ZNF704: variants seen among roughly 807,000 people sequenced by gnomAD.
ZNF704 encodes glucocorticoid induced gene 1.
In ZNF704, 10 loss-of-function variants were observed where a neutral mutation model predicts 44.7. The ratio of observed to expected loss-of-function variants is 0.22; its 90% CI spans 0.14 to 0.38. ZNF704 has a LOEUF of 0.38. ZNF704 is among the 10% of genes least tolerant of loss of function. The pLI is 1.00. For missense variants in ZNF704, 390 were observed against 545.5 expected (o/e 0.71, Z 2.84); for synonymous variants, 211 against 207.6 (o/e 1.02, Z -0.14).
At chr8:80,814,987 G>A (rs997178462) in intron 2 of ZNF704, among the ~76,000 whole-genome samples, 2 of 152,064 alleles carry the variant, frequency 1.3e-5, no homozygotes, top group African/African-American at 4.8e-5. Context: ...ATTGAAAATG[G>A]GAGCCAAATT....
At position 80,854,160 on chromosome 8, in the gene ZNF704, C is replaced by A. The variant is rs79794726; in HGVS notation, c.-22+20411G>T. On this transcript the variant is annotated intron_variant, in intron 1 of 8. Coordinates refer to ENST00000327835, the MANE Select transcript of ZNF704 (RefSeq NM_001033723.3). The stretch of plus-strand genomic sequence containing the variant: ...TTGTGTATGAAATGATGGTAAACAG[C>A]GTTAAGGCACTGTAAAAACACAAGA... 6.5e-3 allele frequency among the ~76,000 whole-genome samples: 992 copies of A among 152,240 alleles called. 10 individuals carry two copies. Among genetic ancestry groups the A allele is most frequent in the African/African-American group, 0.022 (929 of 41,530 alleles).
chr8:80,739,035 A>G (rs1032460361), intron 2 of ZNF704, among the ~76,000 whole-genome samples: 1 of 152,206 alleles, frequency 6.6e-6, no homozygotes, highest in Non-Finnish European at 1.5e-5. Flanking sequence ...ACTTTACTGA[A>G]CAATTATAAC....
chr8:80,690,050 C>A (rs1175107942), intron 3 of ZNF704, among the ~76,000 whole-genome samples: 2 of 144,286 alleles, frequency 1.4e-5, no homozygotes, highest in Non-Finnish European at 3.0e-5. Context: ...TAGAGAAAAT[C>A]TTTTTTTCCT....
In ZNF704 at chr8:80,636,258, A is replaced by G. The variant is rs7006389; in HGVS notation, c.*5108T>C. On this transcript the variant is annotated 3_prime_UTR_variant, in exon 9 of 9. Coordinates refer to ENST00000327835, the MANE Select transcript of ZNF704 (RefSeq NM_001033723.3). ...CATTGTGATTCTCAGACCCACAACA[A>G]AAGTTATAAAACATGAGATTGTCTT... 654 of 152,354 alleles carry G rather than the reference A, an allele frequency of 4.3e-3. 6 individuals carry two copies. The highest frequency in any genetic ancestry group is 0.014 in the African/African-American group (594 of 41,580). The allele number at this position is 152,354 out of a possible 1,614,324, so 9.4% of individuals were successfully genotyped here. A position where few individuals can be genotyped will look rare whatever the true frequency, so the allele number is the denominator to read the frequency against.
chr8:80,681,565 C>T (rs56845378), intron 4 of ZNF704, among the ~76,000 whole-genome samples: 15,558 of 152,054 alleles, frequency 0.1, 2,690 homozygotes, highest in African/African-American at 0.35. Context: ...CAGGTAGAGA[C>T]AGTCAAAACT....
chr8:80,762,746 C>G (rs774964722), intron 2 of ZNF704, among the ~76,000 whole-genome samples: 2 of 152,204 alleles, frequency 1.3e-5, no homozygotes, highest in Non-Finnish European at 2.9e-5. Flanking sequence ...GTCATTCAAG[C>G]ATTAACTCAA....
At chr8:80,869,932 C>A (rs1809221895) in intron 1 of ZNF704, among the ~76,000 whole-genome samples, 1 of 152,180 alleles carries the variant, frequency 6.6e-6, no homozygotes, top group African/African-American at 2.4e-5. Context: ...AAGAGCTCTA[C>A]AAGCTGAGAA....
Position 80,640,048 on chromosome 8 carries a change from CAT to C in ZNF704, c.*1316_*1317del, listed in dbSNP as rs2131586452. 1 of 152,748 alleles carries C rather than the reference CAT, an allele frequency of 6.5e-6. No homozygotes were observed. The highest frequency in any genetic ancestry group is 2.1e-4 in the South Asian group (1 of 4,830). 9.5% of individuals were successfully genotyped at this position (152,748 alleles called of 1,614,324 possible). On this transcript the variant is annotated 3_prime_UTR_variant, in exon 9 of 9. Transcript: ENST00000327835. ...AAGTTACGAAGCCCAATAAATGGAA[CAT>C]AGTGCAAGCCCTGGCCCTACTAAAC...
At chr8:80,731,895 A>C (rs1316749714) in intron 2 of ZNF704, among the ~76,000 whole-genome samples, 1 of 152,272 alleles carries the variant, frequency 6.6e-6, no homozygotes, top group African/African-American at 2.4e-5. Context: ...CAAGGGCTAG[A>C]AACAAGAATG....
At chr8:80,737,650 T>A (rs1806688761) in intron 2 of ZNF704, among the ~76,000 whole-genome samples, 1 of 152,242 alleles carries the variant, frequency 6.6e-6, no homozygotes, top group African/African-American at 2.4e-5. Context: ...TATGAAAGAA[T>A]TTGTGAACAT....
At chr8:80,666,791 C>T (rs373952361) in intron 5 of ZNF704, among the ~76,000 whole-genome samples, 16 of 149,670 alleles carry the variant, frequency 1.1e-4, no homozygotes, top group East Asian at 7.8e-4. Context: ...TCATGTCCTT[C>T]GCCCACTTTT....
intron 1 of ZNF704, among the ~76,000 whole-genome samples, chr8:80,823,507 G>A (rs1808315334): frequency 6.6e-6 from 1 of 152,236 alleles, no homozygotes; most frequent in Non-Finnish European, 1.5e-5. Context: ...GGGCACAGCT[G>A]AACAAAAGGC....
intron 2 of ZNF704, among the ~76,000 whole-genome samples, chr8:80,782,598 GA>G (rs1179276139): frequency 6.6e-6 from 1 of 152,118 alleles, no homozygotes; most frequent in Non-Finnish European, 1.5e-5. Context: ...GTTTTAAAAG[GA>G]ACGTTAATAT....
intron 1 of ZNF704, among the ~76,000 whole-genome samples, chr8:80,853,393 A>G (rs1368824008): frequency 6.6e-6 from 1 of 152,214 alleles, no homozygotes; most frequent in Non-Finnish European, 1.5e-5. Context: ...ATGAAAAATG[A>G]GTTAAATTCC....
At chr8:80,697,245 T>G (rs149670176) in intron 2 of ZNF704, among the ~76,000 whole-genome samples, 114 of 152,230 alleles carry the variant, frequency 7.5e-4, no homozygotes, top group Non-Finnish European at 1.3e-3. Context: ...GTTTGTTGTA[T>G]TCCTATAAGC....
intron 1 of ZNF704, among the ~76,000 whole-genome samples, chr8:80,845,159 A>C (rs1379193267): frequency 6.6e-6 from 1 of 152,206 alleles, no homozygotes; most frequent in Admixed American, 6.5e-5. Flanking sequence ...TAGAACAAAA[A>C]TATTATAGCA....
intron 2 of ZNF704, among the ~76,000 whole-genome samples, chr8:80,694,870 C>A (rs758697276): frequency 4.8e-4 from 73 of 152,132 alleles, no homozygotes; most frequent in Non-Finnish European, 7.9e-4. Flanking sequence ...TTAGCAAATT[C>A]TTCTATCAAA....
rs375166700 is a variant in ZNF704, at chr8:80,677,455, C to T, written c.559-6852G>A. ...TGATACATTTTGGAGGCATCAAACCCCCAGAATCCAAGGAAGCTGACCATT... is the reference window on the plus strand; with the variant it reads ...TGATACATTTTGGAGGCATCAAACCTCCAGAATCCAAGGAAGCTGACCATT... On this transcript the variant is annotated intron_variant, in intron 4 of 8. Transcript: ENST00000327835. 7.0e-4 allele frequency among the ~76,000 whole-genome samples: 107 copies of T among 152,216 alleles called. 1 individual carries two copies. The highest frequency in any genetic ancestry group is 2.4e-3 in the African/African-American group (99 of 41,548).
intron 2 of ZNF704, among the ~76,000 whole-genome samples, chr8:80,761,405 T>C (rs908828829): frequency 6.6e-6 from 1 of 152,176 alleles, no homozygotes; most frequent in Non-Finnish European, 1.5e-5. Flanking sequence ...CTAAAAATTC[T>C]AACTATAAAT....
Sources: gnomAD v4.1 joint callset for allele counts (sites outside exome capture counted in the v4.1 genomes callset) on GRCh38, gnomAD v4.1.1 for gene constraint, MANE v1.5 for transcripts, NCBI Gene and HGNC (gene_info 2026-07-23, HGNC 2026-07-21) for gene names.